Variants in PIWIL2 observed in about 807,000 individuals in gnomAD.
PIWIL2 encodes the protein piwi like RNA-mediated gene silencing 2.
In PIWIL2, 81 loss-of-function variants were observed where a neutral mutation model predicts 116.5. The ratio of observed to expected loss-of-function variants is 0.70; its 90% CI spans 0.58 to 0.84. PIWIL2 has a LOEUF of 0.84. PIWIL2 is among the 40% of genes least tolerant of loss of function. The pLI, the probability that PIWIL2 is intolerant of heterozygous loss-of-function variation, is 0.00. For synonymous variants in PIWIL2, 489 were observed against 429.5 expected (o/e 1.14, Z -1.71); for missense variants, 1,272 against 1,212.3 (o/e 1.05, Z -0.73).
intron 1 of PIWIL2, among the ~76,000 whole-genome samples, chr8:22,277,852 A>G (rs28493927): frequency 0.13 from 19,084 of 152,206 alleles, 4,057 homozygotes; most frequent in African/African-American, 0.43. Context: ...CAATAATTTT[A>G]TGATATGGCT....
Position 22,282,377 on chromosome 8 carries a change from G to T in PIWIL2, c.426-657G>T, listed in dbSNP as rs1407109817. On this transcript the variant is annotated intron_variant, in intron 4 of 22. Transcript: ENST00000356766. ...TAATTTTTGTATTTTTAGTAGAGAC[G>T]GGGTTTCATCTTATTAGCCAGGTTG... 2.6e-5 allele frequency among the ~76,000 whole-genome samples: 4 copies of T among 150,974 alleles called. No individual in the cohort carries two copies. In the Admixed American group the frequency reaches 2.7e-4, roughly 10 times the overall value.
At chr8:22,355,051 C>G (rs766096164) in intron 22 of PIWIL2, among the ~76,000 whole-genome samples, 1 of 144,862 alleles carries the variant, frequency 6.9e-6, no homozygotes, top group Non-Finnish European at 1.5e-5. Context: ...GCCTGGGCAA[C>G]AGAGCAAGAC....
In PIWIL2 at chr8:22,357,527, G is replaced by A. The variant is rs1391635079; in HGVS notation, c.*2022G>A. The A allele has an allele frequency of 6.6e-6, 1 of 152,124 alleles. No homozygotes were observed. The highest frequency in any genetic ancestry group is 1.5e-5 in the Non-Finnish European group (1 of 68,016). 9.4% of individuals were successfully genotyped at this position (152,124 alleles called of 1,614,324 possible). On this transcript the variant is annotated 3_prime_UTR_variant, in exon 23 of 23. Coordinates refer to ENST00000356766, the MANE Select transcript of PIWIL2 (RefSeq NM_018068.5). ...TCGTTTTTCGGTTTTAATGCCAAAT[G>A]ATTGGGTCATGGGGTGGGAAATAAA... is the stretch of plus-strand genomic sequence containing the variant.
At chr8:22,324,161 C>G (rs1443948600) in intron 20 of PIWIL2, among the ~76,000 whole-genome samples, 4 of 152,144 alleles carry the variant, frequency 2.6e-5, no homozygotes, top group Admixed American at 2.0e-4. Context: ...ACTTGGGAGG[C>G]TGAGGCAGGA....
At chr8:22,318,072 G>T (rs1270549121) in intron 19 of PIWIL2, 98 bp from the exon 20 acceptor site, 1 of 685,934 alleles carries the variant, frequency 1.5e-6, no homozygotes, top group South Asian at 1.8e-5. Context: ...TGGATTGATT[G>T]GTAGAGAAAC....
intron 20 of PIWIL2, among the ~76,000 whole-genome samples, chr8:22,330,544 C>A (rs1252940790): frequency 2.0e-5 from 3 of 151,122 alleles, no homozygotes; most frequent in Non-Finnish European, 4.4e-5. Context: ...TAAAAATACA[C>A]ACATTAGCTG....
At chr8:22,279,754 A>G (rs972676569) in intron 2 of PIWIL2, among the ~76,000 whole-genome samples, 170 bp downstream of exon 2, 1 of 152,192 alleles carries the variant, frequency 6.6e-6, no homozygotes, top group Non-Finnish European at 1.5e-5. Flanking sequence ...GGAGTTCAAG[A>G]CCAGCCTGGC....
chr8:22,345,423 G>A (rs1323732965), intron 20 of PIWIL2, among the ~76,000 whole-genome samples: 1 of 152,162 alleles, frequency 6.6e-6, no homozygotes, highest in Admixed American at 6.5e-5. Context: ...CACTTTGGGA[G>A]GCTGAGGCGG....
At chr8:22,290,371 T>G in intron 10 of PIWIL2, 25 bp downstream of exon 10, 1 of 1,306,848 alleles carries the variant, frequency 7.7e-7, no homozygotes, top group Middle Eastern at 1.8e-4. Context: ...GGGTCTATCT[T>G]TAACATGCTG....
chr8:22,276,740 A>T (rs1026121286), intron 1 of PIWIL2, among the ~76,000 whole-genome samples: 3 of 151,990 alleles, frequency 2.0e-5, no homozygotes, highest in Admixed American at 1.3e-4. Context: ...GTCTCTACAA[A>T]TTTTTTTTAA....
At chr8:22,346,276 A>G (rs1014541983) in intron 20 of PIWIL2, among the ~76,000 whole-genome samples, 2 of 152,180 alleles carry the variant, frequency 1.3e-5, no homozygotes, top group African/African-American at 2.4e-5. Flanking sequence ...GGTATTTCGA[A>G]CTATATTTCA....
At chr8:22,310,580 TA>T (rs1831303597) in intron 15 of PIWIL2, among the ~76,000 whole-genome samples, 1 of 152,294 alleles carries the variant, frequency 6.6e-6, no homozygotes, top group African/African-American at 2.4e-5. Context: ...TATTGAAATA[TA>T]AACGAAAAGC....
chr8:22,298,273 G>A (rs35536982), intron 10 of PIWIL2, among the ~76,000 whole-genome samples: 89,939 of 149,272 alleles, frequency 0.6, 27,381 homozygotes, highest in East Asian at 0.82. Context: ...AAAAAAAAAA[G>A]GATAATGGCA....
At chr8:22,345,348 A>G (rs934375666) in intron 20 of PIWIL2, among the ~76,000 whole-genome samples, 1 of 152,244 alleles carries the variant, frequency 6.6e-6, no homozygotes, top group Admixed American at 6.5e-5. Flanking sequence ...AACATTATTC[A>G]TAATGGCCAG....
At chr8:22,332,034 A>G (rs1413114311) in intron 20 of PIWIL2, among the ~76,000 whole-genome samples, 1 of 152,098 alleles carries the variant, frequency 6.6e-6, no homozygotes, top group East Asian at 1.9e-4. Flanking sequence ...TGAGCAGAAA[A>G]TAATCAAACT....
intron 10 of PIWIL2, among the ~76,000 whole-genome samples, chr8:22,301,296 T>G (rs1831042673): frequency 6.6e-6 from 1 of 151,976 alleles, no homozygotes; most frequent in South Asian, 2.1e-4. Flanking sequence ...TTGTTTTTTA[T>G]TCTTTTATTA....
intron 12 of PIWIL2, 51 bp downstream of exon 12, chr8:22,304,919 C>G (rs750163965): frequency 7.9e-7 from 1 of 1,260,070 alleles, no homozygotes; most frequent in South Asian, 1.2e-5. Context: ...TTCATCCTGT[C>G]AGCTGCTTTT....
chr8:22,281,352 G>C (rs1198898394), intron 3 of PIWIL2, 25 bp from the exon 4 acceptor site: 1 of 1,601,028 alleles, frequency 6.2e-7, no homozygotes, highest in African/African-American at 1.4e-5. Context: ...CATAGTCATT[G>C]CTGGGGTTCG....
At chr8:22,353,271 C>G (rs1314562260) in intron 21 of PIWIL2, 59 bp downstream of exon 21, 2 of 1,478,948 alleles carry the variant, frequency 1.4e-6, no homozygotes, top group Non-Finnish European at 1.9e-6. Context: ...TTGTCACTTT[C>G]CTGAGTATTG....
Sources: gnomAD v4.1 joint callset for allele counts (sites outside exome capture counted in the v4.1 genomes callset) on GRCh38, gnomAD v4.1.1 for gene constraint, MANE v1.5 for transcripts, NCBI Gene and HGNC (gene_info 2026-07-23, HGNC 2026-07-21) for gene names.